Variants in RELN observed in about 807,000 individuals in gnomAD.
RELN encodes reelin.
In RELN, 108 loss-of-function variants were observed where a neutral mutation model predicts 427.6. The observed-to-expected ratio is 0.25, with a 90% confidence interval of 0.22 to 0.30. RELN has a LOEUF of 0.30. Among genes scored for constraint, RELN ranks in the 10% least tolerant of loss-of-function variants. The pLI is 1.00. For missense variants in RELN, 3,715 were observed against 4,302.8 expected (o/e 0.86, Z 3.82); for synonymous variants, 1,524 against 1,513.4 (o/e 1.01, Z -0.16).
chr7:103,770,301 G>A (rs929321195), intron 4 of RELN, among the ~76,000 whole-genome samples: 2 of 152,168 alleles, frequency 1.3e-5, no homozygotes, highest in Admixed American at 6.5e-5. Context: ...AGCCAAGATC[G>A]TCTCAATCTC....
At chr7:103,975,735 T>C (rs1584414557) in intron 1 of RELN, among the ~76,000 whole-genome samples, 1 of 149,778 alleles carries the variant, frequency 6.7e-6, no homozygotes, top group African/African-American at 2.5e-5. Context: ...TTTTTTGTAT[T>C]TTTAGTAGAG....
chr7:103,986,519 T>G (rs1372226158), intron 1 of RELN, among the ~76,000 whole-genome samples: 1 of 151,898 alleles, frequency 6.6e-6, no homozygotes, highest in Non-Finnish European at 1.5e-5. Context: ...TTTTACATTC[T>G]GAGCTCTGCC....
rs563229384 is a variant in RELN, at chr7:103,534,737, C to T, written c.7349+579G>A. Among the ~76,000 whole-genome samples, 5 of 152,150 alleles carry T rather than the reference C, an allele frequency of 3.3e-5. No individual in the cohort carries two copies. The East Asian group carries it at 7.7e-4, about 23-fold the overall frequency. On this transcript the variant is annotated intron_variant, in intron 46 of 64. Transcript: ENST00000428762. ...AACTCCTAGTCTCAAGTGATCCTTC[C>T]GTACCAGGCAATTTTATTAAGCCCT...
intron 51 of RELN, among the ~76,000 whole-genome samples, chr7:103,506,238 G>A (rs1434004359): frequency 1.3e-5 from 2 of 150,750 alleles, no homozygotes; most frequent in East Asian, 1.9e-4. Context: ...TACAGAGAAC[G>A]CCACAAAGAT....
chr7:103,973,730 A>G (rs961430455), intron 1 of RELN, among the ~76,000 whole-genome samples: 2 of 152,216 alleles, frequency 1.3e-5, no homozygotes, highest in Non-Finnish European at 2.9e-5. Flanking sequence ...AAAAATGTTG[A>G]TATCAAGAGC....
chr7:103,985,969 A>G (rs1396106636), intron 1 of RELN, among the ~76,000 whole-genome samples: 1 of 152,170 alleles, frequency 6.6e-6, no homozygotes, highest in African/African-American at 2.4e-5. Context: ...CTACCACACA[A>G]AACAAAACAA....
intron 4 of RELN, among the ~76,000 whole-genome samples, chr7:103,765,298 T>A (rs1791402280): frequency 6.6e-6 from 1 of 152,170 alleles, no homozygotes; most frequent in Admixed American, 6.5e-5. Flanking sequence ...AAGTTTACAT[T>A]TTTCTGCAAA....
At chr7:103,494,841 T>C (rs1192985889) in intron 57 of RELN, among the ~76,000 whole-genome samples, 1 of 151,894 alleles carries the variant, frequency 6.6e-6, no homozygotes, top group Non-Finnish European at 1.5e-5. Context: ...AGTATAGGCA[T>C]ATGAAGTCAG....
At chr7:103,699,573 T>C (rs1044200728) in intron 9 of RELN, among the ~76,000 whole-genome samples, 1 of 152,114 alleles carries the variant, frequency 6.6e-6, no homozygotes, top group Non-Finnish European at 1.5e-5. Context: ...TGTAGTTTCA[T>C]TGTTCATCAT....
At chr7:103,731,427 T>C (rs182513931) in intron 6 of RELN, among the ~76,000 whole-genome samples, 26 of 152,224 alleles carry the variant, frequency 1.7e-4, no homozygotes, top group Admixed American at 1.3e-3. Flanking sequence ...TACCATGTGA[T>C]AGGTGCTGAC....
chr7:103,795,115 A>T (rs1308221561), intron 3 of RELN, among the ~76,000 whole-genome samples: 1 of 152,246 alleles, frequency 6.6e-6, no homozygotes. Flanking sequence ...CCTAATGCCA[A>T]CTAGTATTAT....
rs544644839 is a variant in RELN at position 103,676,144 on chromosome 7, C to T, written c.1289+5972G>A. Among the ~76,000 whole-genome samples the T allele has an allele frequency of 5.8e-4, 88 of 152,160 alleles. 1 individual carries two copies. The highest frequency in any genetic ancestry group is 9.7e-4 in the Non-Finnish European group (66 of 67,996). ...AAATTTTTACAATCTACTCATCTGA[C>T]AAATGGCTAATATCCAGAATCTACA... On this transcript the variant is annotated intron_variant, in intron 11 of 64. Transcript: ENST00000428762.
chr7:103,773,107 T>C (rs553610779), intron 4 of RELN, among the ~76,000 whole-genome samples: 100 of 35,800 alleles, frequency 2.8e-3, no homozygotes, highest in African/African-American at 7.9e-3. Flanking sequence ...CTCTTTTCTT[T>C]CTTTCTTTCT....
chr7:103,746,310 A>C (rs1441016203), intron 6 of RELN, among the ~76,000 whole-genome samples: 1 of 152,224 alleles, frequency 6.6e-6, no homozygotes, highest in Non-Finnish European at 1.5e-5. Context: ...AAACCATAAA[A>C]ACCCTAGAAG....
At position 103,747,273 on chromosome 7, in the gene RELN, G is replaced by A. The variant is rs560545156; in HGVS notation, c.656+2153C>T. Among the ~76,000 whole-genome samples, 982 of 136,198 alleles carry A rather than the reference G, an allele frequency of 7.2e-3. 13 individuals carry two copies. The highest frequency in any genetic ancestry group is 0.011 in the Non-Finnish European group (721 of 63,874). The allele number at this position is 136,198 out of a possible 152,430, so 89.4% of individuals were successfully genotyped here. A position where few individuals can be genotyped will look rare whatever the true frequency, so the allele number is the denominator to read the frequency against. ...CACTGGGACCTGTTGTGGGGTGCGG[G>A]GAGGGGAGTGGGATAGCATTAGGAG... On this transcript the variant is annotated intron_variant, in intron 6 of 64. Transcript: ENST00000428762.
At chr7:103,490,913 G>A (rs1449606607) in intron 58 of RELN, 84 bp from the exon 59 acceptor site, 1 of 1,386,486 alleles carries the variant, frequency 7.2e-7, no homozygotes. Flanking sequence ...TTGTGATCGG[G>A]TTAAATTAAA....
At chr7:103,948,605 G>A (rs541889663) in intron 1 of RELN, among the ~76,000 whole-genome samples, 4 of 152,084 alleles carry the variant, frequency 2.6e-5, no homozygotes, top group African/African-American at 4.8e-5. Context: ...CCCGGGAGGC[G>A]GAGGTTGCAG....
chr7:103,520,104 A>C (rs1469526189), intron 48 of RELN, among the ~76,000 whole-genome samples: 3 of 151,852 alleles, frequency 2.0e-5, no homozygotes, highest in Non-Finnish European at 2.9e-5. Context: ...TGAGTATCGC[A>C]GCCCAGGACA....
At chr7:103,767,027 C>A (rs1403926357) in intron 4 of RELN, among the ~76,000 whole-genome samples, 1 of 152,192 alleles carries the variant, frequency 6.6e-6, no homozygotes, top group Non-Finnish European at 1.5e-5. Context: ...TCTGGTCTTG[C>A]TAAATAATCA....
Sources: allele counts gnomAD v4.1 joint callset (sites outside exome capture counted in the v4.1 genomes callset), GRCh38; gene constraint gnomAD v4.1.1; transcripts MANE v1.5; gene names NCBI Gene and HGNC (gene_info 2026-07-23, HGNC 2026-07-21).